AVEN: variants seen among roughly 807,000 people sequenced by gnomAD.
The protein encoded by AVEN is cell death regulator Aven.
AVEN carries 41 observed loss-of-function variants against 38.1 expected under a neutral mutation model. The ratio of observed to expected loss-of-function variants is 1.08; its 90% confidence interval spans 0.84 to 1.40. The LOEUF (loss-of-function observed/expected upper bound fraction) is 1.40, where lower values mean the gene tolerates loss of function less well. Among genes scored for constraint, AVEN ranks in the 40% most tolerant of loss-of-function variants. AVEN has a pLI of 0.00. For synonymous variants in AVEN, 206 were observed against 171.8 expected, an observed-to-expected ratio of 1.20 and a Z score of -1.56; for missense variants, 605 against 438.8, an observed-to-expected ratio of 1.38 and a Z score of -3.38.
intron 1 of AVEN, among the ~76,000 whole-genome samples, chr15:34,023,336 A>G (rs977588304): frequency 6.6e-6 from 1 of 152,184 alleles, no homozygotes; most frequent in Non-Finnish European, 1.5e-5. Context: ...TATCAGCAAA[A>G]GAAATAGGCT....
intron 2 of AVEN, among the ~76,000 whole-genome samples, chr15:33,995,109 A>G (rs1182411588): frequency 6.6e-6 from 1 of 152,150 alleles, no homozygotes; most frequent in African/African-American, 2.4e-5. Context: ...AAAAAAATGA[A>G]GAAATCAGCC....
chr15:33,904,889 G>A lies in AVEN; in HGVS notation c.446-28894C>T, dbSNP rs565960992. ...TCACGCCTGTAATCCCAGTACTTTG[G>A]GAGGCCGAGGCGGGTGGATCACCTC... On this transcript the variant is annotated intron_variant, in intron 2 of 5. Coordinates refer to ENST00000306730, the MANE Select transcript of AVEN (RefSeq NM_020371.3). Among the ~76,000 whole-genome samples the A allele has an allele frequency of 3.4e-4, 51 of 151,848 alleles. 1 individual carries two copies. The highest frequency in any genetic ancestry group is 1.2e-3 in the African/African-American group (50 of 41,402).
At chr15:33,954,129 G>C (rs570370212) in intron 2 of AVEN, among the ~76,000 whole-genome samples, 1 of 145,164 alleles carries the variant, frequency 6.9e-6, no homozygotes, top group South Asian at 2.2e-4. Flanking sequence ...TTAGAATGGC[G>C]ATCATTAAAA....
chr15:33,968,620 G>A (rs1171996148), intron 2 of AVEN: 1 of 152,122 alleles, frequency 6.6e-6, no homozygotes, highest in Admixed American at 6.6e-5. Context: ...GAGGAGGACA[G>A]AAGAAATGCC....
At chr15:33,872,662 A>T (rs916201576) in intron 3 of AVEN, among the ~76,000 whole-genome samples, 5 of 152,186 alleles carry the variant, frequency 3.3e-5, no homozygotes, top group African/African-American at 1.2e-4. Context: ...AGCAGCCAGT[A>T]TATTGCCCAA....
chr15:33,992,399 G>GAA (rs1479927006), intron 2 of AVEN, among the ~76,000 whole-genome samples: 2 of 150,708 alleles, frequency 1.3e-5, no homozygotes, highest in Non-Finnish European at 3.0e-5. Context: ...CAAAAAAAAA[G>GAA]AAAAAAGAAA....
intron 2 of AVEN, among the ~76,000 whole-genome samples, chr15:33,911,115 A>T (rs1264118168): frequency 6.6e-6 from 1 of 152,166 alleles, no homozygotes; most frequent in African/African-American, 2.4e-5. Flanking sequence ...AAGCAGAATA[A>T]ATGTTCCTTA....
At chr15:34,064,136 A>G (rs1325953291) in intron 4 of AVEN, 5 of 1,614,100 alleles carry the variant, frequency 3.1e-6, no homozygotes, top group Non-Finnish European at 3.4e-6. Flanking sequence ...AGTGTGTCCC[A>G]GTCACCCTGT....
intron 2 of AVEN, among the ~76,000 whole-genome samples, chr15:33,922,397 T>C (rs182278084): frequency 1.9e-3 from 293 of 152,000 alleles, no homozygotes; most frequent in African/African-American, 6.8e-3. Context: ...AACCTTGATG[T>C]AAGCTAAGGG....
intron 2 of AVEN, among the ~76,000 whole-genome samples, chr15:33,983,190 GTA>G (rs781286612): frequency 0.11 from 11,847 of 110,410 alleles, 715 homozygotes; most frequent in South Asian, 0.29. Context: ...ACACGTGTGT[GTA>G]TGTGTGTGTA....
At chr15:34,040,982 A>G (rs377764726), upstream of AVEN, among the ~76,000 whole-genome samples, 5 of 152,244 alleles carry the variant, frequency 3.3e-5, no homozygotes, top group African/African-American at 1.2e-4. Context: ...ATGGAAGAAT[A>G]TGGTTAAATA....
intron 2 of AVEN, among the ~76,000 whole-genome samples, chr15:33,997,255 C>T (rs1896972227): frequency 6.6e-6 from 1 of 152,138 alleles, no homozygotes; most frequent in South Asian, 2.1e-4. Context: ...AATCTCATAT[C>T]AGGAGATACC....
At chr15:34,030,372 G>C (rs1307938529) in intron 1 of AVEN, among the ~76,000 whole-genome samples, 1 of 152,116 alleles carries the variant, frequency 6.6e-6, no homozygotes, top group Non-Finnish European at 1.5e-5. Flanking sequence ...TTGAGACGGA[G>C]TCTTGCTCTG....
intron 2 of AVEN, among the ~76,000 whole-genome samples, chr15:33,882,378 T>TCATC (rs1377820791): frequency 1.3e-5 from 2 of 152,162 alleles, no homozygotes; most frequent in Non-Finnish European, 2.9e-5. Context: ...AAGCCTCATC[T>TCATC]CATCCTATTC....
rs1307458699 is a variant in AVEN at position 33,866,682 on chromosome 15, C to T, written c.1020G>A (p.Glu340=). Residue 340 remains glutamate (E), a synonymous_variant, in exon 6 of 6, where the codon GAG becomes GAA. Coordinates refer to ENST00000306730, the MANE Select transcript of AVEN (RefSeq NM_020371.3). ...SVTEEKNMEP[E]QPSTSKNVTE... ...TAACATTTTTGGAGGTACTTGGTTG[C>T]TCAGGTTCCATGTTTTTTTCTTCAG... 1 of 1,613,900 alleles carries T rather than the reference C, an allele frequency of 6.2e-7. No homozygotes were observed. The highest frequency in any genetic ancestry group is 1.3e-5 in the African/African-American group (1 of 74,898).
At chr15:33,906,573 AT>A (rs1451921771) in intron 2 of AVEN, among the ~76,000 whole-genome samples, 2 of 152,334 alleles carry the variant, frequency 1.3e-5, no homozygotes, top group Admixed American at 1.3e-4. Context: ...ACATAATTCT[AT>A]TTTTAATTTT....
chr15:33,954,081 G>A (rs1240986556), intron 2 of AVEN, among the ~76,000 whole-genome samples: 2 of 152,204 alleles, frequency 1.3e-5, no homozygotes, highest in Non-Finnish European at 2.9e-5. Flanking sequence ...TCAGAGAAAT[G>A]CAAATCAAAA....
downstream of AVEN, chr15:33,861,286 C>G: frequency 2.8e-6 from 2 of 712,680 alleles, no homozygotes; most frequent in Middle Eastern, 2.5e-4. Context: ...AAAGGAACTT[C>G]CAGGAGTCCC....
rs762177909 is a variant in AVEN, at chr15:34,017,864, GACCATATTT to G, written c.268-14664_268-14656del. Among the ~76,000 whole-genome samples, 7 of 152,072 alleles carry G rather than the reference GACCATATTT, an allele frequency of 4.6e-5. No homozygotes were observed. In the South Asian group the frequency reaches 1.0e-3, roughly 23 times the overall value. On this transcript the variant is annotated intron_variant, in intron 1 of 5. Coordinates refer to ENST00000306730, the MANE Select transcript of AVEN (RefSeq NM_020371.3). ...CCACATACCATTTTGGTCAACAATG[GACCATATTT>G]ACAACAGTGGTCCCATAAGGTTATA...
Sources: gnomAD v4.1 joint callset for allele counts (sites outside exome capture counted in the v4.1 genomes callset) on GRCh38, gnomAD v4.1.1 for gene constraint, MANE v1.5 for transcripts, NCBI Gene and HGNC (gene_info 2026-07-23, HGNC 2026-07-21) for gene names.